ARHGAP20: variants seen among roughly 807,000 people sequenced by gnomAD.
The protein encoded by ARHGAP20 is Rho GTPase activating protein 20, also known as rho GTPase-activating protein 20.
Under a neutral mutation model 73.7 loss-of-function variants are expected in ARHGAP20, and 34 were observed. That is an observed-to-expected ratio of 0.46 (90% CI 0.35 to 0.61). The LOEUF (loss-of-function observed/expected upper bound fraction) is 0.61. Among genes scored for constraint, ARHGAP20 ranks in the 20% least tolerant of loss-of-function variants. ARHGAP20 has a pLI of 0.00. For missense variants in ARHGAP20, 1,314 were observed against 1,420.9 expected, an observed-to-expected ratio of 0.92 and a Z score of 1.21; for synonymous variants, 523 against 518.2, an observed-to-expected ratio of 1.01 and a Z score of -0.13.
intron 3 of ARHGAP20, among the ~76,000 whole-genome samples, chr11:110,625,019 T>A (rs1351505944): frequency 8.8e-5 from 9 of 101,708 alleles, no homozygotes; most frequent in African/African-American, 2.4e-4. Context: ...ATTTTTTTTT[T>A]ATTTTTATTT....
At chr11:110,711,547 TG>T (rs1022817189) in intron 1 of ARHGAP20, 4 of 1,338,410 alleles carry the variant, frequency 3.0e-6, no homozygotes, top group South Asian at 1.6e-5. Context: ...GACCCTGGTG[TG>T]GGGGGCAGTA....
intron 1 of ARHGAP20, among the ~76,000 whole-genome samples, chr11:110,696,955 T>C (rs1020909210): frequency 4.6e-5 from 7 of 151,850 alleles, no homozygotes; most frequent in South Asian, 2.1e-4. Flanking sequence ...TACCACATTT[T>C]ATTTATTCAG....
At chr11:110,659,769 T>C (rs1477058587) in intron 2 of ARHGAP20, among the ~76,000 whole-genome samples, 5 of 151,912 alleles carry the variant, frequency 3.3e-5, no homozygotes, top group Non-Finnish European at 5.9e-5. Flanking sequence ...ATGGATGAAA[T>C]TGGAAATCAT....
At chr11:110,654,325 CCATCATATTAAAAT>C (rs1418303731) in intron 2 of ARHGAP20, among the ~76,000 whole-genome samples, 4 of 151,972 alleles carry the variant, frequency 2.6e-5, no homozygotes, top group Admixed American at 1.3e-4. Context: ...TTATGGGGAG[CCATCATATTAAAAT>C]CATCATATTA....
intron 1 of ARHGAP20, among the ~76,000 whole-genome samples, chr11:110,709,916 C>T (rs1215425907): frequency 6.6e-6 from 1 of 152,180 alleles, no homozygotes; most frequent in African/African-American, 2.4e-5. Flanking sequence ...AGGTGTTAGG[C>T]AAGTTAAGAC....
In ARHGAP20 at chr11:110,580,653, T is replaced by C. The variant is rs776912582; in HGVS notation, c.2293A>G (p.Thr765Ala). 6.2e-7 allele frequency: 1 copy of C among 1,614,238 alleles called. No individual in the cohort carries two copies. Among genetic ancestry groups the C allele is most frequent in the African/African-American group, 1.3e-5 (1 of 75,072 alleles). Residue 765 changes from threonine to alanine, a missense_variant, in exon 15 of 15, where the codon ACT becomes GCT. Around this residue, in one of 3 missense-constraint regions of ARHGAP20, gnomAD observed 641 missense variants for 636.9 expected, o/e 1.01. Coordinates refer to ENST00000683387, the MANE Select transcript of ARHGAP20 (RefSeq NM_001384657.1). The stretch of plus-strand genomic sequence containing the variant: ...GTGGCATTTTTCTTGCTGACATCAG[T>C]GCCTGTGACTAAACTCTGTTTAAAA... ...TCFKQSLVTG[T>A]DVSKKNATTQ...
In ARHGAP20 at chr11:110,581,058, C is replaced by T; in HGVS notation, c.1888G>A (p.Val630Met). 4.3e-6 allele frequency: 7 copies of T among 1,614,190 alleles called. No homozygotes were observed. In the Middle Eastern group the frequency reaches 8.2e-4, roughly 190 times the overall value. Residue 630 changes from valine to methionine, a missense_variant, in exon 15 of 15, where the codon GTG (valine) becomes ATG (methionine). Physicochemically the swap from Val to Met is conservative, Grantham distance 21. Around this residue, in one of 3 missense-constraint regions of ARHGAP20, gnomAD observed 230 missense variants for 317.6 expected, o/e 0.72. Transcript: ENST00000683387. Reference protein sequence around the residue: ...LSDYDLDQPEVEGLLTLSDFD... With the variant: ...LSDYDLDQPEMEGLLTLSDFD... ...TCGCTTAGGGTTAAAAGGCCTTCCA[C>T]CTCGGGCTGGTCAAGATCATAGTCA...
At chr11:110,705,746 A>G (rs1195357563) in intron 1 of ARHGAP20, among the ~76,000 whole-genome samples, 1 of 152,178 alleles carries the variant, frequency 6.6e-6, no homozygotes, top group Non-Finnish European at 1.5e-5. Context: ...GAGAGTTTCA[A>G]CTGGGTTTCC....
At chr11:110,664,619 T>C (rs1002637981) in intron 2 of ARHGAP20, among the ~76,000 whole-genome samples, 8 of 149,852 alleles carry the variant, frequency 5.3e-5, no homozygotes, top group African/African-American at 1.2e-4. Flanking sequence ...TCCCAGCTAC[T>C]TGGGAGGCTG....
chr11:110,635,304 G>A (rs561186336), intron 2 of ARHGAP20, among the ~76,000 whole-genome samples: 13 of 151,976 alleles, frequency 8.6e-5, no homozygotes, highest in African/African-American at 2.2e-4. Flanking sequence ...GCAAATTCTC[G>A]GGCCTTCCTC....
chr11:110,643,837 T>G (rs1392541345), intron 2 of ARHGAP20, among the ~76,000 whole-genome samples: 1 of 152,112 alleles, frequency 6.6e-6, no homozygotes, highest in Non-Finnish European at 1.5e-5. Flanking sequence ...GATCTAACAC[T>G]GTCAGTGGGG....
chr11:110,641,149 A>G (rs1368060054), intron 2 of ARHGAP20, among the ~76,000 whole-genome samples: 1 of 152,056 alleles, frequency 6.6e-6, no homozygotes, highest in East Asian at 1.9e-4. Flanking sequence ...CAATGAGATC[A>G]ATACATCAAC....
chr11:110,663,936 A>G (rs1176154016), intron 2 of ARHGAP20, among the ~76,000 whole-genome samples: 1 of 152,228 alleles, frequency 6.6e-6, no homozygotes, highest in African/African-American at 2.4e-5. Context: ...GAATGCAGTC[A>G]TTTTAACATT....
intron 4 of ARHGAP20, among the ~76,000 whole-genome samples, chr11:110,619,364 G>A (rs1165694787): frequency 6.7e-6 from 1 of 149,634 alleles, no homozygotes; most frequent in Non-Finnish European, 1.5e-5. Flanking sequence ...TGTAGTGATA[G>A]CATATATGTA....
intron 2 of ARHGAP20, among the ~76,000 whole-genome samples, chr11:110,643,175 A>G (rs961262031): frequency 6.6e-6 from 1 of 151,896 alleles, no homozygotes; most frequent in Non-Finnish European, 1.5e-5. Flanking sequence ...TTTCTTTGTT[A>G]TTATACCTAG....
At chr11:110,647,893 G>C (rs903168181) in intron 2 of ARHGAP20, among the ~76,000 whole-genome samples, 2 of 151,854 alleles carry the variant, frequency 1.3e-5, no homozygotes, top group Non-Finnish European at 2.9e-5. Flanking sequence ...TCCCGTCTGA[G>C]AATGCAAAGC....
At chr11:110,646,071 G>A (rs1193362375) in intron 2 of ARHGAP20, among the ~76,000 whole-genome samples, 1 of 152,086 alleles carries the variant, frequency 6.6e-6, no homozygotes, top group Non-Finnish European at 1.5e-5. Context: ...TTGGCATCAT[G>A]CCATATACCT....
chr11:110,605,308 G>A (rs1254547234), intron 9 of ARHGAP20, among the ~76,000 whole-genome samples: 1 of 152,130 alleles, frequency 6.6e-6, no homozygotes, highest in Non-Finnish European at 1.5e-5. Context: ...AACAGATGGT[G>A]GTTACAACTC....
chr11:110,617,770 A>G lies in ARHGAP20; in HGVS notation c.504-2176T>C, dbSNP rs1948516273. ...CTCAGGCATTTTTACAGGACTAAAA[A>G]TAGAAGTACTTCAAAGTCAATGACT... On this transcript the variant is annotated intron_variant, in intron 4 of 14. Coordinates refer to ENST00000683387, the MANE Select transcript of ARHGAP20 (RefSeq NM_001384657.1). Among the ~76,000 whole-genome samples, 7 of 152,314 alleles carry G rather than the reference A, an allele frequency of 4.6e-5. No individual in the cohort carries two copies. The South Asian group carries it at 1.5e-3, about 32-fold the overall frequency.
Sources: allele counts gnomAD v4.1 joint callset (sites outside exome capture counted in the v4.1 genomes callset), GRCh38; gene constraint gnomAD v4.1.1; regional missense constraint gnomAD v4.1.1; transcripts MANE v1.5; gene names NCBI Gene and HGNC (gene_info 2026-07-23, HGNC 2026-07-21).